Variants in BDH1 observed in about 807,000 individuals in gnomAD.
The protein encoded by BDH1 is 3-hydroxybutyrate dehydrogenase 1.
Under a neutral mutation model 33.1 loss-of-function variants are expected in BDH1, and 30 were observed. The ratio of observed to expected loss-of-function variants is 0.91; its 90% confidence interval spans 0.68 to 1.23. BDH1 has a LOEUF of 1.23. BDH1 is among the 50% of genes most tolerant of loss of function. The pLI is 0.00. For synonymous variants in BDH1, 190 were observed against 183.6 expected (o/e 1.03, Z -0.28); for missense variants, 443 against 464.4 (o/e 0.95, Z 0.42).
Position 197,554,222 on chromosome 3 carries a change from A to G in BDH1, c.-44+340T>C, listed in dbSNP as rs1966617. The G allele has an allele frequency of 0.25, 37,892 of 152,048 alleles. 4,873 individuals are homozygous for G. The highest frequency in any genetic ancestry group is 0.28 in the African/African-American group (11,535 of 41,418). The allele number at this position is 152,048 out of a possible 1,614,324, so 9.4% of individuals were successfully genotyped here. A position where few individuals can be genotyped will look rare whatever the true frequency, so the allele number is the denominator to read the frequency against. ...CCCTAATTCAAAAATCTTTCGCCCA[A>G]TCTCCTCCCTTCTGTGCCTCTGTAA... On this transcript the variant is annotated intron_variant, in intron 2 of 7. Transcript: ENST00000392379. The surrounding 1 kb of genome is among the most constrained non-coding windows in gnomAD (Gnocchi z 4.4).
chr3:197,551,887 TAGG>T (rs1479895395), intron 2 of BDH1, among the ~76,000 whole-genome samples: 1 of 152,130 alleles, frequency 6.6e-6, no homozygotes, highest in Non-Finnish European at 1.5e-5. Flanking sequence ...ATTTTTTCAC[TAGG>T]AGAACAGGGC....
In BDH1 at chr3:197,525,765, C is replaced by T. The variant is rs1197262959; in HGVS notation, c.268-2984G>A. Among the ~76,000 whole-genome samples the T allele has an allele frequency of 6.6e-6, 1 of 152,224 alleles. No homozygotes were observed. Among genetic ancestry groups the T allele is most frequent in the Non-Finnish European group, 1.5e-5 (1 of 68,042 alleles). On this transcript the variant is annotated intron_variant, in intron 5 of 7. Transcript: ENST00000392379. This position sits in a 1 kb window ranked among gnomAD's most constrained non-coding sequence, Gnocchi z 4.9. ...GCCTGCTGGCTGCAGACTCTGGTGGCCTGTCCCCCTCAGGGTCTACCTGTC... is the reference window on the plus strand; with the variant it reads ...GCCTGCTGGCTGCAGACTCTGGTGGTCTGTCCCCCTCAGGGTCTACCTGTC...
At position 197,533,480 on chromosome 3, in the gene BDH1, T is replaced by C; in HGVS notation, c.156+9A>G. 6.2e-7 allele frequency: 1 copy of C among 1,614,092 alleles called. No individual in the cohort carries two copies. The highest frequency in any genetic ancestry group is 1.1e-5 in the South Asian group (1 of 91,084). Reference sequence around the variant, plus strand: ...CAACTGGCTCCCGGGTAGCTGGGCTTCCACTCACCGGCTCCGCCGCACTGG... The same window carrying C: ...CAACTGGCTCCCGGGTAGCTGGGCTCCCACTCACCGGCTCCGCCGCACTGG... On this transcript the variant is annotated intron_variant, in intron 4 of 7. Coordinates refer to ENST00000392379, the MANE Select transcript of BDH1 (RefSeq NM_203314.3).
intron 2 of BDH1, 64 bp from the exon 3 acceptor site, chr3:197,546,550 A>T: frequency 8.8e-7 from 1 of 1,137,344 alleles, no homozygotes; most frequent in Non-Finnish European, 1.3e-6. Flanking sequence ...AGGAGCAGTC[A>T]TGTTCCTTTC....
At chr3:197,515,436 G>A (rs1712598183) in intron 6 of BDH1, 3 of 985,598 alleles carry the variant, frequency 3.0e-6, no homozygotes, top group African/African-American at 3.5e-5. Context: ...CTGCAGACGC[G>A]CCCTGAGTCT....
chr3:197,546,688 C>G (rs1359511406), intron 2 of BDH1, among the ~76,000 whole-genome samples: 1 of 152,164 alleles, frequency 6.6e-6, no homozygotes, highest in Non-Finnish European at 1.5e-5. Context: ...AGCCAGGGTG[C>G]CTGGAAGCCT....
rs893756970 is a variant in BDH1, at chr3:197,520,288, C to CAA, written c.409+2350_409+2351dup. 2.8e-5 allele frequency among the ~76,000 whole-genome samples: 4 copies of CAA among 142,738 alleles called. No homozygotes were observed. Among genetic ancestry groups the CAA allele is most frequent in the South Asian group, 2.2e-4 (1 of 4,518 alleles). The allele number at this position is 142,738 out of a possible 152,430, so 93.6% of individuals were successfully genotyped here. ...ACCTAAAAGTCTTCAAATCCTTTTC[C>CAA]AAAAAAAAAAAATGCAGTATCGGTT... On this transcript the variant is annotated intron_variant, in intron 6 of 7. Coordinates refer to ENST00000392379, the MANE Select transcript of BDH1 (RefSeq NM_203314.3). This position sits in a 1 kb window ranked among gnomAD's most constrained non-coding sequence, Gnocchi z 6.0.
At chr3:197,549,520 A>C (rs1560337469) in intron 2 of BDH1, among the ~76,000 whole-genome samples, 2 of 152,216 alleles carry the variant, frequency 1.3e-5, no homozygotes, top group Admixed American at 1.3e-4. Context: ...CAGCAGAGGC[A>C]AGGTATCCGC....
chr3:197,531,811 T>C (rs533390833), intron 5 of BDH1, among the ~76,000 whole-genome samples: 2 of 152,166 alleles, frequency 1.3e-5, no homozygotes, highest in Non-Finnish European at 2.9e-5. Flanking sequence ...GCTTTTGCAG[T>C]CTCGGGTCCC....
chr3:197,515,042 A>G (rs1712548405), intron 6 of BDH1, among the ~76,000 whole-genome samples: 1 of 152,194 alleles, frequency 6.6e-6, no homozygotes. Context: ...CTCCTTCCCA[A>G]GGCACAGCCT....
upstream of BDH1, among the ~76,000 whole-genome samples, chr3:197,557,717 AAAAC>A (rs1169687250): frequency 2.6e-5 from 4 of 152,222 alleles, no homozygotes; most frequent in African/African-American, 4.8e-5. The surrounding 1 kb of genome is among the most constrained non-coding windows in gnomAD (Gnocchi z 4.6). Context: ...ACTGTCTCAA[AAAAC>A]AAACAAACAA....
intron 1 of BDH1, among the ~76,000 whole-genome samples, chr3:197,570,623 C>G (rs1351126315): frequency 6.6e-6 from 1 of 152,212 alleles, no homozygotes; most frequent in Non-Finnish European, 1.5e-5. Flanking sequence ...GGTGCAAACT[C>G]TAAGACTTGG....
At chr3:197,563,260 G>A (rs1426942901) in intron 1 of BDH1, among the ~76,000 whole-genome samples, 4 of 152,116 alleles carry the variant, frequency 2.6e-5, no homozygotes, top group African/African-American at 4.8e-5. Context: ...TGTACCTTAC[G>A]AGGTAAATTT....
chr3:197,565,614 A>T (rs1717409812), intron 1 of BDH1, among the ~76,000 whole-genome samples: 1 of 152,164 alleles, frequency 6.6e-6, no homozygotes, highest in Non-Finnish European at 1.5e-5. Flanking sequence ...AACTCCTATA[A>T]TTTTGATATG....
chr3:197,511,863 G>A lies in BDH1; in HGVS notation c.*32C>T. 6.6e-7 allele frequency: 1 copy of A among 1,522,544 alleles called. No individual in the cohort carries two copies. The highest frequency in any genetic ancestry group is 8.8e-7 in the Non-Finnish European group (1 of 1,132,874). 94.3% of individuals were successfully genotyped at this position (1,522,544 alleles called of 1,614,324 possible). A position where few individuals can be genotyped will look rare whatever the true frequency, so the allele number is the denominator to read the frequency against. On this transcript the variant is annotated 3_prime_UTR_variant, in exon 8 of 8. Transcript: ENST00000392379. ...TCCTCCCTCCCCTCCCCTTCCACCA[G>A]GGATCCCTGACAGAGGCCACAGCGA...
chr3:197,547,225 C>T (rs1235855299), intron 2 of BDH1, among the ~76,000 whole-genome samples: 2 of 152,206 alleles, frequency 1.3e-5, no homozygotes, highest in Admixed American at 6.5e-5. Flanking sequence ...CATTATTGAC[C>T]GCTGATCAGC....
At position 197,522,044 on chromosome 3, in the gene BDH1, T is replaced by C. The variant is rs879573371; in HGVS notation, c.409+596A>G. Among the ~76,000 whole-genome samples the C allele has an allele frequency of 2.6e-5, 4 of 152,154 alleles. No individual in the cohort carries two copies. Among genetic ancestry groups the C allele is most frequent in the African/African-American group, 7.2e-5 (3 of 41,426 alleles). ...TGCGTGACCTGACCCATGACTCATA[T>C]TGAGGTGCCGGCTAATCCCACCACT... On this transcript the variant is annotated intron_variant, in intron 6 of 7. Coordinates refer to ENST00000392379, the MANE Select transcript of BDH1 (RefSeq NM_203314.3). The surrounding 1 kb of genome is among the most constrained non-coding windows in gnomAD (Gnocchi z 4.8).
At chr3:197,568,291 G>GTT (rs561555919) in intron 1 of BDH1, among the ~76,000 whole-genome samples, 1 of 148,786 alleles carries the variant, frequency 6.7e-6, no homozygotes, top group Non-Finnish European at 1.5e-5. Flanking sequence ...AGTTTTGTGG[G>GTT]TTTTTTTTTT....
chr3:197,532,359 A>G, intron 5 of BDH1, 53 bp downstream of exon 5: 1 of 1,523,266 alleles, frequency 6.6e-7, no homozygotes, highest in African/African-American at 1.4e-5. Flanking sequence ...AAAGACTAAA[A>G]AACAATGACT....
Sources: gnomAD v4.1 joint callset for allele counts (sites outside exome capture counted in the v4.1 genomes callset) on GRCh38, gnomAD v4.1.1 for gene constraint, Gnocchi (gnomAD v3.1) non-coding constraint, MANE v1.5 for transcripts, NCBI Gene and HGNC (gene_info 2026-07-23, HGNC 2026-07-21) for gene names.